The following INPP4B variants were observed in gnomAD, a reference collection of about 807,000 sequenced individuals.
The protein encoded by INPP4B is inositol polyphosphate 4-phosphatase type II.
In INPP4B, 55 loss-of-function variants were observed where a neutral mutation model predicts 122.5. The ratio of observed to expected loss-of-function variants is 0.45; its 90% CI spans 0.36 to 0.56. The LOEUF (loss-of-function observed/expected upper bound fraction) is 0.56. INPP4B is among the 20% of genes least tolerant of loss of function. INPP4B has a pLI of 0.00. For missense variants in INPP4B, 1,000 were observed against 1,097.7 expected, an observed-to-expected ratio of 0.91 and a Z score of 1.26; for synonymous variants, 403 against 388.7, an observed-to-expected ratio of 1.04 and a Z score of -0.43.
chr4:142,345,772 G>A (rs1038373350), intron 7 of INPP4B, among the ~76,000 whole-genome samples: 1 of 151,884 alleles, frequency 6.6e-6, no homozygotes, highest in African/African-American at 2.4e-5. Context: ...TGATCAAAAG[G>A]ACCAGAATAA....
chr4:142,345,847 A>G (rs1301869383), intron 7 of INPP4B, among the ~76,000 whole-genome samples: 1 of 152,008 alleles, frequency 6.6e-6, no homozygotes, highest in African/African-American at 2.4e-5. Context: ...TTTCCCTATA[A>G]TTGCTAGTAT....
intron 2 of INPP4B, among the ~76,000 whole-genome samples, chr4:142,676,993 G>T (rs1190960944): frequency 6.6e-6 from 1 of 152,016 alleles, no homozygotes; most frequent in Admixed American, 6.6e-5. Context: ...TTGACAAATA[G>T]AATATAATTA....
At chr4:142,627,959 C>G (rs1392176055) in intron 2 of INPP4B, among the ~76,000 whole-genome samples, 2 of 151,974 alleles carry the variant, frequency 1.3e-5, no homozygotes, top group Admixed American at 6.6e-5. Flanking sequence ...AGAGATTCAA[C>G]TTCTTCCTGG....
chr4:142,464,497 G>T (rs1580132578), intron 2 of INPP4B, among the ~76,000 whole-genome samples: 1 of 151,980 alleles, frequency 6.6e-6, no homozygotes, highest in East Asian at 1.9e-4. Flanking sequence ...ACAAAGAATA[G>T]GCTTTAAATT....
chr4:142,420,807 T>C (rs1412666530), intron 5 of INPP4B, among the ~76,000 whole-genome samples: 16 of 152,170 alleles, frequency 1.1e-4, no homozygotes. Context: ...AAGTGTTTAA[T>C]GCCTTGTGCT....
intron 15 of INPP4B, among the ~76,000 whole-genome samples, chr4:142,190,840 CAG>C (rs772165202): frequency 9.2e-5 from 14 of 151,820 alleles, no homozygotes; most frequent in Admixed American, 3.9e-4. Flanking sequence ...AAATATTATT[CAG>C]AGTCTAACCA....
In INPP4B at chr4:142,537,443, G is replaced by T. The variant is rs1272839118; in HGVS notation, c.-190-74717C>A. On this transcript the variant is annotated intron_variant, in intron 2 of 25. Transcript: ENST00000262992. ...ATATATATATATAGAGAGAGAGAGA[G>T]AGAGAGAGAGAGAGAGAGAGAGAGA... Among the ~76,000 whole-genome samples the T allele has an allele frequency of 7.1e-3, 676 of 95,178 alleles. 1 individual carries two copies. The highest frequency in any genetic ancestry group is 0.035 in the East Asian group (63 of 1,824). 62.4% of individuals were successfully genotyped at this position (95,178 alleles called of 152,430 possible). A position where few individuals can be genotyped will look rare whatever the true frequency, so the allele number is the denominator to read the frequency against.
chr4:142,589,306 T>C (rs1355096343), intron 2 of INPP4B, among the ~76,000 whole-genome samples: 1 of 152,058 alleles, frequency 6.6e-6, no homozygotes, highest in Non-Finnish European at 1.5e-5. Context: ...TTGGACTTTG[T>C]TAAAATCAAA....
chr4:142,161,165 C>T (rs981914824), intron 16 of INPP4B, among the ~76,000 whole-genome samples: 3 of 151,892 alleles, frequency 2.0e-5, no homozygotes, highest in African/African-American at 7.2e-5. Flanking sequence ...ATGCTCTGTT[C>T]CACTAAATTG....
chr4:142,531,126 G>C (rs1827559180), intron 2 of INPP4B, among the ~76,000 whole-genome samples: 1 of 151,976 alleles, frequency 6.6e-6, no homozygotes. Flanking sequence ...TTTAAGGTAG[G>C]GGGCGGAGAA....
At chr4:142,067,714 T>C (rs1764388769) in intron 25 of INPP4B, among the ~76,000 whole-genome samples, 1 of 151,864 alleles carries the variant, frequency 6.6e-6, no homozygotes, top group African/African-American at 2.4e-5. Context: ...TTTGATCAAG[T>C]GGAAGAAAGG....
chr4:142,102,020 C>T (rs1046737856), intron 23 of INPP4B, among the ~76,000 whole-genome samples: 2 of 152,036 alleles, frequency 1.3e-5, no homozygotes, highest in Non-Finnish European at 2.9e-5. Flanking sequence ...TCCTTCTCAC[C>T]TGCTTCTGTG....
chr4:142,810,082 A>G (rs1386790513), intron 1 of INPP4B, among the ~76,000 whole-genome samples: 1 of 150,526 alleles, frequency 6.6e-6, no homozygotes, highest in African/African-American at 2.5e-5. Context: ...AGGCAGGAGA[A>G]TTGCTTGAAC....
chr4:142,066,121 A>G (rs1763384136), intron 25 of INPP4B, among the ~76,000 whole-genome samples: 2 of 152,212 alleles, frequency 1.3e-5, no homozygotes, highest in African/African-American at 4.8e-5. Flanking sequence ...ACCCCAAATA[A>G]TGCCCCATGA....
Position 142,673,016 on chromosome 4 carries a change from C to T in INPP4B, c.-191+52823G>A, listed in dbSNP as rs1310943297. ...CTTTCTGCAATGAATTGTCTTTGCACCCTTGCCAACATCACATGGCCATCC... is the reference window on the plus strand; with the variant it reads ...CTTTCTGCAATGAATTGTCTTTGCATCCTTGCCAACATCACATGGCCATCC... On this transcript the variant is annotated intron_variant, in intron 2 of 25. Coordinates refer to ENST00000262992, the MANE Select transcript of INPP4B (RefSeq NM_001101669.3). Among the ~76,000 whole-genome samples the T allele has an allele frequency of 2.6e-5, 4 of 152,212 alleles. No homozygotes were observed. The East Asian group carries it at 7.8e-4, about 29-fold the overall frequency.
rs1204580183 is a variant in INPP4B at position 142,193,172 on chromosome 4, C to A, written c.1096G>T (p.Val366Leu). ...TGAAAATGGGCAGCTGGGGCTCCCACAGTGATGACATCGTAGAGAGCATCT... is the reference window on the plus strand; with the variant it reads ...TGAAAATGGGCAGCTGGGGCTCCCAAAGTGATGACATCGTAGAGAGCATCT... ...LKDALYDVIT[V>L]GAPAAHFQGF... is the part of the protein sequence containing the mutation. The change falls in exon 15 of 26, where the codon GTG becomes TTG. Residue 366 changes from valine to leucine, a missense_variant. Val to Leu is a conservative substitution (Grantham distance 32). Coordinates refer to ENST00000262992, the MANE Select transcript of INPP4B (RefSeq NM_001101669.3). 3 of 1,611,084 alleles carry A rather than the reference C, an allele frequency of 1.9e-6. No individual in the cohort carries two copies. The highest frequency in any genetic ancestry group is 2.5e-6 in the Non-Finnish European group (3 of 1,177,352).
At chr4:142,249,790 G>A (rs995486102) in intron 11 of INPP4B, among the ~76,000 whole-genome samples, 2 of 152,022 alleles carry the variant, frequency 1.3e-5, no homozygotes, top group African/African-American at 2.4e-5. Flanking sequence ...ATTTATCATC[G>A]CTGTGCTGCA....
chr4:142,160,597 G>T, intron 16 of INPP4B, 36 bp from the exon 17 acceptor site: 1 of 1,499,940 alleles, frequency 6.7e-7, no homozygotes, highest in Admixed American at 1.8e-5. Flanking sequence ...AAACACCTTG[G>T]TAGGCATCTC....
chr4:142,408,626 C>G (rs1579980034), intron 5 of INPP4B, among the ~76,000 whole-genome samples: 1 of 152,288 alleles, frequency 6.6e-6, no homozygotes, highest in Non-Finnish European at 1.5e-5. Flanking sequence ...TAATTCTACT[C>G]TAGGAGTGGC....
Sources: allele counts gnomAD v4.1 joint callset (sites outside exome capture counted in the v4.1 genomes callset), GRCh38; gene constraint gnomAD v4.1.1; transcripts MANE v1.5; gene names NCBI Gene and HGNC (gene_info 2026-07-23, HGNC 2026-07-21).